The following TANC2 variants were observed in gnomAD, a reference collection of about 807,000 sequenced individuals.
TANC2 encodes tetratricopeptide repeat, ankyrin repeat and coiled-coil containing 2, also known as protein TANC2.
A neutral mutation model predicts 210.5 loss-of-function variants in TANC2; 26 were observed. The observed-to-expected ratio is 0.12, with a 90% confidence interval of 0.09 to 0.17. TANC2 has a LOEUF of 0.17. Among genes scored for constraint, TANC2 ranks in the 10% least tolerant of loss-of-function variants. The pLI is 1.00. For synonymous variants in TANC2, 931 were observed against 967.1 expected (o/e 0.96, Z 0.69); for missense variants, 2,129 against 2,608.9 (o/e 0.82, Z 4.01).
At chr17:63,196,439 C>A (rs1292140058) in intron 6 of TANC2, among the ~76,000 whole-genome samples, 3 of 152,162 alleles carry the variant, frequency 2.0e-5, no homozygotes, top group Non-Finnish European at 4.4e-5. Context: ...TTCAAGGACT[C>A]TGTCATTTCT....
At chr17:63,169,845 A>T (rs1028760420) in intron 5 of TANC2, among the ~76,000 whole-genome samples, 2 of 151,894 alleles carry the variant, frequency 1.3e-5, no homozygotes, top group Admixed American at 6.6e-5. Context: ...AATTTTAAAA[A>T]TTTATGGCAG....
At chr17:63,068,013 A>G (rs191816889) in intron 2 of TANC2, among the ~76,000 whole-genome samples, 96 of 152,326 alleles carry the variant, frequency 6.3e-4, no homozygotes, top group African/African-American at 2.3e-3. Flanking sequence ...CTCTATCACT[A>G]TGTGATCAAT....
At chr17:63,284,314 T>A (rs2146369849) in intron 9 of TANC2, among the ~76,000 whole-genome samples, 1 of 152,028 alleles carries the variant, frequency 6.6e-6, no homozygotes, top group East Asian at 1.9e-4. Flanking sequence ...GACTTTTTAA[T>A]ATATTGATGG....
intron 8 of TANC2, among the ~76,000 whole-genome samples, chr17:63,246,413 A>G (rs997210899): frequency 6.6e-6 from 1 of 152,168 alleles, no homozygotes; most frequent in African/African-American, 2.4e-5. Context: ...AACCCTCACC[A>G]TGAATCAGCT....
intron 18 of TANC2, among the ~76,000 whole-genome samples, chr17:63,397,250 G>A (rs2048194950): frequency 6.6e-6 from 1 of 152,062 alleles, no homozygotes; most frequent in Non-Finnish European, 1.5e-5. Flanking sequence ...ACTCCAGCCT[G>A]GGCAGCAAGA....
intron 8 of TANC2, among the ~76,000 whole-genome samples, chr17:63,257,832 A>C (rs531712700): frequency 5.9e-5 from 9 of 152,188 alleles, no homozygotes; most frequent in African/African-American, 2.2e-4. Flanking sequence ...TATACTATCT[A>C]TGTCTTGAAA....
At chr17:63,233,720 G>T (rs1197543208) in intron 7 of TANC2, among the ~76,000 whole-genome samples, 1 of 152,200 alleles carries the variant, frequency 6.6e-6, no homozygotes, top group African/African-American at 2.4e-5. Context: ...TGTTAAACTT[G>T]TACCAGCACA....
intron 9 of TANC2, among the ~76,000 whole-genome samples, chr17:63,268,860 C>T (rs1331217057): frequency 2.6e-5 from 4 of 152,162 alleles, no homozygotes; most frequent in Non-Finnish European, 5.9e-5. Context: ...TTCTATGCCT[C>T]TCGTTTGCTC....
intron 9 of TANC2, among the ~76,000 whole-genome samples, chr17:63,299,017 G>T (rs1254733776): frequency 6.6e-6 from 1 of 152,112 alleles, no homozygotes; most frequent in African/African-American, 2.4e-5. Context: ...GTGAGAACAT[G>T]CAGTGTTTGG....
chr17:63,262,160 A>G (rs2043378648), intron 8 of TANC2, among the ~76,000 whole-genome samples: 1 of 152,192 alleles, frequency 6.6e-6, no homozygotes, highest in South Asian at 2.1e-4. Context: ...TATAGTCGTC[A>G]TTTCTGTAGC....
intron 3 of TANC2, among the ~76,000 whole-genome samples, chr17:63,083,641 A>G (rs2036857750): frequency 6.6e-6 from 1 of 152,212 alleles, no homozygotes; most frequent in African/African-American, 2.4e-5. Context: ...CAGAACTTTA[A>G]GTTCTGTGCT....
chr17:63,062,510 A>C (rs1021111630), intron 2 of TANC2, among the ~76,000 whole-genome samples: 1 of 152,236 alleles, frequency 6.6e-6, no homozygotes, highest in East Asian at 1.9e-4. Flanking sequence ...TGCAGGCCCC[A>C]TGTACTCATT....
intron 3 of TANC2, among the ~76,000 whole-genome samples, chr17:63,082,301 C>T (rs1017484863): frequency 2.0e-5 from 3 of 152,076 alleles, no homozygotes; most frequent in Admixed American, 6.5e-5. Flanking sequence ...GGGTCATAAA[C>T]AGTTGGATAA....
chr17:63,009,512 C>T (rs371149421), intron 1 of TANC2, 25 bp from the exon 2 acceptor site: 27 of 1,551,016 alleles, frequency 1.7e-5, no homozygotes, highest in Non-Finnish European at 2.4e-5. Flanking sequence ...TTCTTAAACA[C>T]ATTTTCCTAT....
chr17:63,068,603 A>G (rs1461164168), intron 2 of TANC2, among the ~76,000 whole-genome samples: 2 of 152,150 alleles, frequency 1.3e-5, no homozygotes, highest in African/African-American at 4.8e-5. Flanking sequence ...CATACAGTGG[A>G]ATACTAGAGT....
intron 1 of TANC2, among the ~76,000 whole-genome samples, chr17:62,970,757 A>G (rs951754509): frequency 8.5e-5 from 13 of 152,282 alleles, no homozygotes; most frequent in Middle Eastern, 3.4e-3. Context: ...CACTAGCTGA[A>G]TATTGTTGGA....
chr17:63,099,464 G>C, intron 4 of TANC2, 107 bp downstream of exon 4: 1 of 761,522 alleles, frequency 1.3e-6, no homozygotes. Flanking sequence ...TTCCTCTCTG[G>C]CCTTCCTAAT....
intron 3 of TANC2, among the ~76,000 whole-genome samples, chr17:63,077,375 A>G (rs1333821306): frequency 6.6e-6 from 1 of 152,216 alleles, no homozygotes; most frequent in East Asian, 1.9e-4. Flanking sequence ...TGATCCATCA[A>G]ATGAAAAAGT....
chr17:63,020,268 G>A (rs1375248516), intron 2 of TANC2, among the ~76,000 whole-genome samples: 1 of 151,950 alleles, frequency 6.6e-6, no homozygotes, highest in Non-Finnish European at 1.5e-5. Context: ...TAAAGCAAAA[G>A]TTTTTAATAT....
Sources: gnomAD v4.1 joint callset for allele counts (sites outside exome capture counted in the v4.1 genomes callset) on GRCh38, gnomAD v4.1.1 for gene constraint, MANE v1.5 for transcripts, NCBI Gene and HGNC (gene_info 2026-07-23, HGNC 2026-07-21) for gene names.